ELF1: variants seen among roughly 807,000 people sequenced by gnomAD.
ELF1 encodes ETS-related transcription factor Elf-1.
A neutral mutation model predicts 59.9 loss-of-function variants in ELF1; 24 were observed. The observed-to-expected ratio is 0.40, with a 90% CI of 0.29 to 0.56. The LOEUF is 0.56. Among genes scored for constraint, ELF1 ranks in the 20% least tolerant of loss-of-function variants. The probability of loss-of-function intolerance (pLI) is 0.44; values close to 1 mark genes in which losing one functional copy is unlikely to be tolerated. For synonymous variants in ELF1, 248 were observed against 266.2 expected, an observed-to-expected ratio of 0.93 and a Z score of 0.67; for missense variants, 627 against 742.2, an observed-to-expected ratio of 0.84 and a Z score of 1.80.
chr13:41,032,622 A>C (rs575748437), intron 1 of ELF1, among the ~76,000 whole-genome samples: 1 of 152,236 alleles, frequency 6.6e-6, no homozygotes. Flanking sequence ...CACTGAGGTG[A>C]AAGTATCACT....
intron 1 of ELF1, among the ~76,000 whole-genome samples, chr13:41,004,908 C>T (rs1186656034): frequency 6.6e-6 from 1 of 152,118 alleles, no homozygotes; most frequent in African/African-American, 2.4e-5. Flanking sequence ...CAACGTCCCT[C>T]GAATCAACAA....
intron 1 of ELF1, among the ~76,000 whole-genome samples, chr13:41,039,335 TTAAAA>T (rs1876515972): frequency 1.4e-5 from 2 of 141,818 alleles, no homozygotes; most frequent in South Asian, 2.2e-4. Flanking sequence ...AGTCCTTTTT[TTAAAA>T]AAAAAAAAAA....
chr13:40,945,140 A>G (rs1870427206), intron 5 of ELF1, among the ~76,000 whole-genome samples: 1 of 152,110 alleles, frequency 6.6e-6, no homozygotes, highest in Non-Finnish European at 1.5e-5. Context: ...CACTTCAGTA[A>G]CCTCCACCTT....
At chr13:40,992,896 T>C (rs764405446) in intron 1 of ELF1, 5 of 628,272 alleles carry the variant, frequency 8.0e-6, no homozygotes, top group South Asian at 7.7e-5. Flanking sequence ...CTTTTGGTGA[T>C]AGTACAGAAA....
Position 41,005,672 on chromosome 13 carries a change from C to A in ELF1, c.-229+13556G>T, listed in dbSNP as rs190107048. Among the ~76,000 whole-genome samples, 22 of 152,136 alleles carry A rather than the reference C, an allele frequency of 1.4e-4. 1 individual carries two copies. Among genetic ancestry groups the A allele is most frequent in the African/African-American group, 5.3e-4 (22 of 41,498 alleles). On this transcript the variant is annotated intron_variant, in intron 1 of 8. Coordinates refer to ENST00000239882, the MANE Select transcript of ELF1 (RefSeq NM_172373.4). ...CCAAACTTGGCTCATGTTATTTACT[C>A]ATATATATTCAACTATATACAACCA... is the stretch of plus-strand genomic sequence containing the variant.
chr13:41,048,288 C>G (rs1876945639), intron 1 of ELF1, among the ~76,000 whole-genome samples: 1 of 152,264 alleles, frequency 6.6e-6, no homozygotes, highest in South Asian at 2.1e-4. Context: ...CTGTCTTGCA[C>G]ACACTGTCCG....
intron 1 of ELF1, among the ~76,000 whole-genome samples, chr13:40,989,405 T>C (rs1318478908): frequency 6.6e-6 from 1 of 152,340 alleles, no homozygotes; most frequent in East Asian, 1.9e-4. Context: ...TTAAATTTTT[T>C]CAAATATTCA....
Position 40,933,503 on chromosome 13 carries a change from C to G in ELF1, c.1782G>C (p.Met594Ile). The G allele has an allele frequency of 7.4e-6, 12 of 1,614,210 alleles. No homozygotes were observed. The highest frequency in any genetic ancestry group is 1.0e-5 in the Non-Finnish European group (12 of 1,180,038). Reference sequence around the variant, plus strand: ...TAAATCCATTGGAACTGGACACTACCATCACATAAGGCTGTGGCTGCTGCT... The same window carrying G: ...TAAATCCATTGGAACTGGACACTACGATCACATAAGGCTGTGGCTGCTGCT... The part of the protein sequence containing the change: ...KTEQQPQPYV[M>I]VVSSSNGFTS... Residue 594 changes from methionine to isoleucine, a missense_variant, in exon 9 of 9, where the codon ATG becomes ATC. Around this residue, in one of 3 missense-constraint regions of ELF1, gnomAD observed 361 missense variants for 396.1 expected, o/e 0.91. Coordinates refer to ENST00000239882, the MANE Select transcript of ELF1 (RefSeq NM_172373.4).
chr13:40,941,055 C>A lies in ELF1; in HGVS notation c.1122G>T (p.Thr374=), dbSNP rs765373573. ...PSEVLRTVQP[T]QSPYPTQLFR... Reference sequence around the variant, plus strand: ...AGAGCTGGGTAGGATATGGAGACTGCGTGGGCTGCACTGTCCTCAAAACTT... The same window carrying A: ...AGAGCTGGGTAGGATATGGAGACTGAGTGGGCTGCACTGTCCTCAAAACTT... Residue 374 remains threonine, a synonymous_variant, in exon 8 of 9, where the codon ACG becomes ACT. Transcript: ENST00000239882. 3 of 1,614,036 alleles carry A rather than the reference C, an allele frequency of 1.9e-6. No individual in the cohort carries two copies. The South Asian group carries it at 3.3e-5, about 18-fold the overall frequency.
intron 1 of ELF1, among the ~76,000 whole-genome samples, chr13:41,007,133 T>C (rs1182801896): frequency 2.6e-5 from 4 of 152,058 alleles, no homozygotes; most frequent in Non-Finnish European, 4.4e-5. Context: ...CTATCTTCAA[T>C]GATGCCGCTC....
At chr13:40,995,579 C>T (rs1156926268) in intron 1 of ELF1, among the ~76,000 whole-genome samples, 1 of 151,760 alleles carries the variant, frequency 6.6e-6, no homozygotes, top group East Asian at 1.9e-4. Flanking sequence ...ATATAGTCAA[C>T]CATCTTTGTC....
chr13:40,946,071 T>C (rs1870491084), intron 5 of ELF1, among the ~76,000 whole-genome samples: 1 of 152,166 alleles, frequency 6.6e-6, no homozygotes, highest in South Asian at 2.1e-4. Context: ...ATTTCCGACC[T>C]CAGGATGTCT....
chr13:41,037,169 G>A lies in ELF1; in HGVS notation c.-229+23669C>T, dbSNP rs559602822. On this transcript the variant is annotated intron_variant, in intron 1 of 1. Transcript: ENST00000405737. ...TAGACTTAGATTCATTTTAGGAAAT[G>A]TTTCTTGGGCACATACAATGTGCTA... 2.0e-5 allele frequency among the ~76,000 whole-genome samples: 3 copies of A among 151,970 alleles called. No homozygotes were observed. The South Asian group carries it at 6.2e-4, about 32-fold the overall frequency.
At chr13:40,955,435 C>CCCGCCTGGCCAGCCACCCCGT (rs1871230706) in intron 3 of ELF1, among the ~76,000 whole-genome samples, 1 of 139,328 alleles carries the variant, frequency 7.2e-6, no homozygotes, top group Non-Finnish European at 1.6e-5. Context: ...GGGTCAGCCC[C>CCCGCCTGGCCAGCCACCCCGT]CCGCCCGGCC....
intron 7 of ELF1, 87 bp from the exon 8 acceptor site, chr13:40,941,457 T>C: frequency 7.9e-7 from 1 of 1,273,544 alleles, no homozygotes; most frequent in Non-Finnish European, 1.1e-6. Flanking sequence ...TAAACAAAAC[T>C]TTAAAGTTGG....
rs144116554 is a variant in ELF1, at chr13:41,001,631, G to A, written c.-229+17597C>T. 5.8e-3 allele frequency among the ~76,000 whole-genome samples: 888 copies of A among 152,246 alleles called. 7 individuals are homozygous for A. Among genetic ancestry groups the A allele is most frequent in the African/African-American group, 0.02 (851 of 41,536 alleles). On this transcript the variant is annotated intron_variant, in intron 1 of 8. Transcript: ENST00000239882. Reference sequence around the variant, plus strand: ...CTGGGAATACAGCAGTGAACAAACCGACCAAAATTTGTGCCCTCATAGGGC... The same window carrying A: ...CTGGGAATACAGCAGTGAACAAACCAACCAAAATTTGTGCCCTCATAGGGC...
chr13:41,061,338 T>C (rs1450590262), exon 1 of ELF1: 3 of 449,114 alleles, frequency 6.7e-6, no homozygotes, highest in Non-Finnish European at 1.2e-5. Flanking sequence ...GCGCAGGGAC[T>C]TGAGGCTTGA....
chr13:41,056,508 T>C (rs760578421), intron 1 of ELF1, among the ~76,000 whole-genome samples: 8 of 152,246 alleles, frequency 5.3e-5, no homozygotes, highest in African/African-American at 1.2e-4. Context: ...GTGGAAATAC[T>C]GGATCATATG....
At position 40,981,988 on chromosome 13, in the gene ELF1, G is replaced by A. The variant is rs1205927640; in HGVS notation, c.67C>T (p.Arg23Ter). 4.4e-6 allele frequency: 7 copies of A among 1,603,700 alleles called. No homozygotes were observed. The highest frequency in any genetic ancestry group is 1.1e-5 in the South Asian group (1 of 89,038). ...EFASNVMEDE[R>*]QLGDPAIFPA... Reference sequence around the variant, plus strand: ...ATTTTCTCTGAATCTCATACCTGTCGTTCATCCTCCATGACGTTACTAGCA... The same window carrying A: ...ATTTTCTCTGAATCTCATACCTGTCATTCATCCTCCATGACGTTACTAGCA... Residue 23 changes from arginine (R) to a stop codon, truncating the protein, a stop_gained, in exon 2 of 9, where the codon CGA becomes TGA. Transcript: ENST00000239882. LOFTEE classifies it high-confidence loss of function.
Sources: allele counts gnomAD v4.1 joint callset (sites outside exome capture counted in the v4.1 genomes callset), GRCh38; gene constraint gnomAD v4.1.1; regional missense constraint gnomAD v4.1.1; transcripts MANE v1.5; gene names NCBI Gene and HGNC (gene_info 2026-07-23, HGNC 2026-07-21).